CACNA1S: variants seen among roughly 807,000 people sequenced by gnomAD.
CACNA1S encodes the protein voltage-dependent L-type calcium channel subunit alpha-1S.
Under a neutral mutation model 207.4 loss-of-function variants are expected in CACNA1S, and 126 were observed. That is an observed-to-expected ratio of 0.61 (90% CI 0.53 to 0.70). The LOEUF (loss-of-function observed/expected upper bound fraction) is 0.70. CACNA1S is among the 30% of genes least tolerant of loss of function. CACNA1S has a pLI of 0.00. For synonymous variants in CACNA1S, 960 were observed against 932.7 expected, an observed-to-expected ratio of 1.03 and a Z score of -0.53; for missense variants, 2,349 against 2,422.8, an observed-to-expected ratio of 0.97 and a Z score of 0.64.
rs775975526 is a variant in CACNA1S at position 201,077,935 on chromosome 1, G to A, written c.1563C>T (p.Pro521=). 3 of 1,614,112 alleles carry A rather than the reference G, an allele frequency of 1.9e-6. No individual in the cohort carries two copies. Among genetic ancestry groups the A allele is most frequent in the Admixed American group, 3.3e-5 (2 of 60,020 alleles). Residue 521 remains proline, a synonymous_variant, in exon 11 of 44, where the codon CCC becomes CCT. Transcript: ENST00000362061. ...ILLVESGAMT[P]LGISVLRCIR... The stretch of plus-strand genomic sequence containing the variant: ...TGCAGCGGAGCACGGAGATGCCCAG[G>A]GGTGTCATGGCACCCGACTCCACCA...
At chr1:201,052,055 C>G (rs999459017) in intron 32 of CACNA1S, among the ~76,000 whole-genome samples, 1 of 152,224 alleles carries the variant, frequency 6.6e-6, no homozygotes, top group Non-Finnish European at 1.5e-5. Context: ...ACCTCTCCCA[C>G]CTGGCTCCTG....
At chr1:201,059,155 G>T in intron 27 of CACNA1S, 34 bp downstream of exon 27, 1 of 1,394,090 alleles carries the variant, frequency 7.2e-7, no homozygotes, top group Non-Finnish European at 1.0e-6. Flanking sequence ...ACCAGCCCCA[G>T]CTTCTCATCT....
At chr1:201,087,159 G>A (rs567114043) in intron 7 of CACNA1S, among the ~76,000 whole-genome samples, 2 of 152,288 alleles carry the variant, frequency 1.3e-5, no homozygotes, top group South Asian at 2.1e-4. Context: ...ATGACCATTA[G>A]TATTTAGTGC....
At chr1:201,089,140 T>G (rs1662132774) in intron 6 of CACNA1S, 118 bp downstream of exon 6, 1 of 894,356 alleles carries the variant, frequency 1.1e-6, no homozygotes, top group South Asian at 1.4e-5. Context: ...AAGAGGGAGC[T>G]GTGGTCACGC....
intron 14 of CACNA1S, 152 bp downstream of exon 14, chr1:201,074,354 C>T: frequency 2.9e-6 from 2 of 691,046 alleles, no homozygotes; most frequent in Admixed American, 4.1e-5. Flanking sequence ...TCAGCCACCC[C>T]CATGTGCAGG....
chr1:201,058,184 G>C (rs1344498829), intron 28 of CACNA1S, among the ~76,000 whole-genome samples: 1 of 152,208 alleles, frequency 6.6e-6, no homozygotes, highest in Non-Finnish European at 1.5e-5. Context: ...TCTTGCCTTT[G>C]ATAGTGTAGT....
chr1:201,049,024 G>A lies in CACNA1S; in HGVS notation c.4317C>T (p.Cys1439=), dbSNP rs764987846. 1.5e-5 allele frequency: 24 copies of A among 1,613,608 alleles called. No homozygotes were observed. Among genetic ancestry groups the A allele is most frequent in the Non-Finnish European group, 2.0e-5 (24 of 1,179,794 alleles). The change falls in exon 35 of 44, where the codon TGC becomes TGT. Residue 1439 remains cysteine (C), a synonymous_variant. Transcript: ENST00000362061. ...TTACCTTACAAGCTACCCGATGTGGGCAGAACTTCCCAAAGCCCAGAGGGG... is the reference window on the plus strand; with the variant it reads ...TTACCTTACAAGCTACCCGATGTGGACAGAACTTCCCAAAGCCCAGAGGGG... The part of the protein sequence containing the change: ...IQPPLGFGKF[C]PHRVACKRLV...
chr1:201,041,037 A>C (rs1485364545), intron 41 of CACNA1S, among the ~76,000 whole-genome samples: 1 of 152,194 alleles, frequency 6.6e-6, no homozygotes, highest in Non-Finnish European at 1.5e-5. Context: ...GGAACACAGC[A>C]GTATCCTTAT....
rs769074038 is a variant in CACNA1S, at chr1:201,040,225, G to T, written c.5370+6C>A. ...AGCCACTGCTGTGACCCAGCCCCTG[G>T]CTCACCTTTTGGATCAGCAGGGCTG... On this transcript the variant is annotated splice_donor_region_variant and intron_variant, in intron 43 of 43. Transcript: ENST00000362061. 5 of 1,613,058 alleles carry T rather than the reference G, an allele frequency of 3.1e-6. No individual in the cohort carries two copies. The Admixed American group carries it at 5.0e-5, about 16-fold the overall frequency.
chr1:201,074,148 C>A (rs187182104), intron 14 of CACNA1S, among the ~76,000 whole-genome samples: 1 of 149,712 alleles, frequency 6.7e-6, no homozygotes, highest in Non-Finnish European at 1.5e-5. Flanking sequence ...CACCGGGGAG[C>A]CTGTTCGATG....
intron 9 of CACNA1S, among the ~76,000 whole-genome samples, chr1:201,084,601 C>T (rs1479391578): frequency 6.6e-6 from 1 of 152,188 alleles, no homozygotes; most frequent in African/African-American, 2.4e-5. Flanking sequence ...TACACTTTCC[C>T]TCTTCCCTCG....
intron 28 of CACNA1S, among the ~76,000 whole-genome samples, chr1:201,057,407 TCTAAGCCTCTAACTCC>T (rs1294618963): frequency 1.3e-5 from 2 of 152,230 alleles, no homozygotes; most frequent in Non-Finnish European, 2.9e-5. Flanking sequence ...TCTCTTCCAC[TCTAAGCCTCTAACTCC>T]CTTTATGTTT....
rs201892046 is a variant in CACNA1S, at chr1:201,085,066, G to A, written c.1151-35C>T. 6.1e-5 allele frequency: 93 copies of A among 1,530,008 alleles called. No homozygotes were observed. In the African/African-American group the frequency reaches 9.5e-4, roughly 16 times the overall value. The allele number at this position is 1,530,008 out of a possible 1,614,324, so 94.8% of individuals were successfully genotyped here. Reference sequence around the variant, plus strand: ...GGAGAGAAAGAGTCAGCCAGCCTTCGGGGCCCCTCTGGGCTGGACACACCT... The same window carrying A: ...GGAGAGAAAGAGTCAGCCAGCCTTCAGGGCCCCTCTGGGCTGGACACACCT... On this transcript the variant is annotated intron_variant, in intron 8 of 43. Transcript: ENST00000362061.
chr1:201,085,266 G>A (rs1208052385), intron 8 of CACNA1S, among the ~76,000 whole-genome samples, 170 bp downstream of exon 8: 7 of 152,156 alleles, frequency 4.6e-5, no homozygotes, highest in Non-Finnish European at 1.0e-4. Context: ...TTTGGGAAGA[G>A]CTCTGGTCAC....
At chr1:201,110,827 G>A (rs1015995975) in intron 1 of CACNA1S, among the ~76,000 whole-genome samples, 1 of 152,082 alleles carries the variant, frequency 6.6e-6, no homozygotes, top group Non-Finnish European at 1.5e-5. Context: ...ACCCCTCCCA[G>A]ACACACCCAC....
chr1:201,068,474 C>T (rs923684568), intron 19 of CACNA1S, among the ~76,000 whole-genome samples: 22 of 150,144 alleles, frequency 1.5e-4, no homozygotes, highest in Non-Finnish European at 7.4e-5. Flanking sequence ...AACTCTTGAC[C>T]TCAGGTGATC....
intron 17 of CACNA1S, 35 bp from the exon 18 acceptor site, chr1:201,069,636 T>C: frequency 6.5e-7 from 1 of 1,549,938 alleles, no homozygotes; most frequent in Non-Finnish European, 8.7e-7. Flanking sequence ...AGGGGAGCTG[T>C]GAGCTGCTGG....
At chr1:201,059,347 C>T in intron 26 of CACNA1S, 48 bp from the exon 27 acceptor site, 1 of 1,253,828 alleles carries the variant, frequency 8.0e-7, no homozygotes, top group South Asian at 1.2e-5. Context: ...CGGGTTTGCC[C>T]ACCCTGTAGA....
chr1:201,049,931 C>G (rs55734382), intron 34 of CACNA1S, among the ~76,000 whole-genome samples: 1 of 152,006 alleles, frequency 6.6e-6, no homozygotes, highest in South Asian at 2.1e-4. Context: ...TATTTCCTAT[C>G]GGGAAGGAAA....
Sources: gnomAD v4.1 joint callset for allele counts (sites outside exome capture counted in the v4.1 genomes callset) on GRCh38, gnomAD v4.1.1 for gene constraint, MANE v1.5 for transcripts, NCBI Gene and HGNC (gene_info 2026-07-23, HGNC 2026-07-21) for gene names.